Variants in NR2C2 observed in about 807,000 individuals in gnomAD.
The protein encoded by NR2C2 is nuclear receptor subfamily 2 group C member 2.
A neutral mutation model predicts 62.9 loss-of-function variants in NR2C2; 6 were observed. The ratio of observed to expected loss-of-function variants is 0.10; its 90% CI spans 0.05 to 0.19. NR2C2 has a LOEUF of 0.19. NR2C2 is among the 10% of genes least tolerant of loss of function. The probability of loss-of-function intolerance (pLI) is 1.00; values close to 1 mark genes in which losing one functional copy is unlikely to be tolerated. For missense variants in NR2C2, 479 were observed against 762.7 expected (o/e 0.63, Z 4.38); for synonymous variants, 272 against 273.8 (o/e 0.99, Z 0.07).
At chr3:15,030,487 C>T (rs1288375029) in intron 9 of NR2C2, 35 bp downstream of exon 9, 2 of 1,528,960 alleles carry the variant, frequency 1.3e-6, no homozygotes, top group African/African-American at 2.8e-5. Context: ...TGCCCCCAAC[C>T]TGCTGGGGGA....
intron 13 of NR2C2, among the ~76,000 whole-genome samples, chr3:15,041,239 C>T (rs1385827050): frequency 1.3e-5 from 2 of 152,096 alleles, no homozygotes; most frequent in Admixed American, 6.5e-5. Flanking sequence ...ATTTTTTACT[C>T]TTCCCCATCC....
chr3:14,998,694 A>T (rs1038449678), intron 1 of NR2C2, among the ~76,000 whole-genome samples: 1 of 151,778 alleles, frequency 6.6e-6, no homozygotes, highest in African/African-American at 2.4e-5. Context: ...CACTTCCTTG[A>T]TGGTGTCTTT....
intron 9 of NR2C2, 128 bp downstream of exon 9, chr3:15,030,580 C>T (rs1035710210): frequency 1.0e-6 from 1 of 988,714 alleles, no homozygotes; most frequent in African/African-American, 1.7e-5. Flanking sequence ...GTAATCTTAG[C>T]ACTTCGGGAG....
chr3:14,978,792 T>G (rs1574953936), intron 1 of NR2C2, among the ~76,000 whole-genome samples: 1 of 152,204 alleles, frequency 6.6e-6, no homozygotes, highest in Non-Finnish European at 1.5e-5. Flanking sequence ...GTGTTTGATG[T>G]CTCAGGGTCT....
intron 1 of NR2C2, among the ~76,000 whole-genome samples, chr3:14,996,072 C>A (rs1330311871): frequency 6.6e-6 from 1 of 152,086 alleles, no homozygotes; most frequent in Non-Finnish European, 1.5e-5. Flanking sequence ...GAATAAAAGT[C>A]CCTTATCAAA....
intron 1 of NR2C2, among the ~76,000 whole-genome samples, chr3:14,951,868 C>G (rs2039373028): frequency 6.6e-6 from 1 of 152,162 alleles, no homozygotes; most frequent in Admixed American, 6.5e-5. Context: ...CTGCCTCCGC[C>G]TCCCCAGTGG....
At chr3:14,994,818 G>A (rs1310191283) in intron 1 of NR2C2, among the ~76,000 whole-genome samples, 1 of 149,944 alleles carries the variant, frequency 6.7e-6, no homozygotes, top group Non-Finnish European at 1.5e-5. Context: ...AGGAGGCTGA[G>A]ACAGGAGGAT....
intron 1 of NR2C2, among the ~76,000 whole-genome samples, chr3:14,949,961 A>G (rs2039300279): frequency 6.6e-6 from 1 of 152,214 alleles, no homozygotes; most frequent in Admixed American, 6.5e-5. Flanking sequence ...GATTTTGTGT[A>G]AGCTACCTTT....
At chr3:15,036,854 G>T (rs1247902276) in intron 11 of NR2C2, among the ~76,000 whole-genome samples, 1 of 152,202 alleles carries the variant, frequency 6.6e-6, no homozygotes, top group Non-Finnish European at 1.5e-5. Flanking sequence ...GGGTGTGGTG[G>T]CTTACGCCTG....
chr3:15,010,645 G>A (rs776528574), intron 2 of NR2C2, among the ~76,000 whole-genome samples: 45 of 151,450 alleles, frequency 3.0e-4, no homozygotes, highest in Non-Finnish European at 5.3e-4. Flanking sequence ...CTAGGAGGTC[G>A]AGGCTGCAGT....
Position 15,046,465 on chromosome 3 carries a change from A to G in NR2C2, c.*3457A>G, listed in dbSNP as rs981210983. 1.3e-5 allele frequency: 2 copies of G among 152,244 alleles called. No homozygotes were observed. Among genetic ancestry groups the G allele is most frequent in the Non-Finnish European group, 2.9e-5 (2 of 68,046 alleles). The allele number at this position is 152,244 out of a possible 1,614,324, so 9.4% of individuals were successfully genotyped here. A position where few individuals can be genotyped will look rare whatever the true frequency, so the allele number is the denominator to read the frequency against. Reference sequence around the variant, plus strand: ...AGGAGCAAAAAATTCTAAGGACTCTAGCTGTTTCTAGTGCTTTTACTTTCA... The same window carrying G: ...AGGAGCAAAAAATTCTAAGGACTCTGGCTGTTTCTAGTGCTTTTACTTTCA... On this transcript the variant is annotated 3_prime_UTR_variant, in exon 14 of 14. Coordinates refer to ENST00000425241, the MANE Select transcript of NR2C2 (RefSeq NM_001291694.2).
chr3:14,957,307 T>A (rs1022195904), intron 1 of NR2C2, among the ~76,000 whole-genome samples: 4 of 152,232 alleles, frequency 2.6e-5, no homozygotes, highest in African/African-American at 9.6e-5. Flanking sequence ...TTCATTGTTA[T>A]CTGAAACTGG....
At chr3:14,974,304 G>C (rs867377105) in intron 1 of NR2C2, among the ~76,000 whole-genome samples, 7 of 152,192 alleles carry the variant, frequency 4.6e-5, no homozygotes, top group Admixed American at 1.3e-4. Flanking sequence ...TTTGTAGTAA[G>C]TTTTGAAATT....
At chr3:14,958,502 G>C (rs924570803) in intron 1 of NR2C2, among the ~76,000 whole-genome samples, 9 of 152,168 alleles carry the variant, frequency 5.9e-5, no homozygotes, top group African/African-American at 2.2e-4. Flanking sequence ...TGTACCAAGA[G>C]CGAGTTTAGT....
intron 1 of NR2C2, among the ~76,000 whole-genome samples, chr3:14,951,494 T>G (rs1386899443): frequency 6.6e-6 from 1 of 152,204 alleles, no homozygotes; most frequent in East Asian, 1.9e-4. Context: ...TGTTTATTTT[T>G]GGGTTTTTTT....
chr3:14,998,016 T>C (rs1217774696), intron 1 of NR2C2, among the ~76,000 whole-genome samples: 1 of 152,212 alleles, frequency 6.6e-6, no homozygotes, highest in African/African-American at 2.4e-5. Flanking sequence ...TTGCCTATTC[T>C]GGACATTTTA....
At chr3:15,032,358 C>T (rs368682269) in intron 9 of NR2C2, 21 bp from the exon 10 acceptor site, 42 of 1,614,084 alleles carry the variant, frequency 2.6e-5, no homozygotes, top group Non-Finnish European at 3.2e-5. Context: ...CCTCCTGTGC[C>T]ATGTGCCTCC....
intron 1 of NR2C2, among the ~76,000 whole-genome samples, chr3:14,986,659 A>AGGT (rs1288300223): frequency 6.6e-6 from 1 of 152,256 alleles, no homozygotes; most frequent in Non-Finnish European, 1.5e-5. Context: ...TGATACTTTA[A>AGGT]AAAAGACCTT....
chr3:14,962,392 T>C (rs932494928), intron 1 of NR2C2: 3 of 152,660 alleles, frequency 2.0e-5, no homozygotes, highest in Admixed American at 6.5e-5. Flanking sequence ...TAGAGGTTGC[T>C]ACATCTTTCC....
Sources: gnomAD v4.1 joint callset for allele counts (sites outside exome capture counted in the v4.1 genomes callset) on GRCh38, gnomAD v4.1.1 for gene constraint, MANE v1.5 for transcripts, NCBI Gene and HGNC (gene_info 2026-07-23, HGNC 2026-07-21) for gene names.